The following NDST3 variants were observed in gnomAD, a reference collection of about 807,000 sequenced individuals.
NDST3 encodes N-deacetylase and N-sulfotransferase 3.
A neutral mutation model predicts 96.1 loss-of-function variants in NDST3; 58 were observed. The observed-to-expected ratio is 0.60, with a 90% CI of 0.49 to 0.75. The LOEUF (loss-of-function observed/expected upper bound fraction) is 0.75, where lower values mean the gene tolerates loss of function less well. Ranked by LOEUF, NDST3 falls within the 30% of genes least tolerant of loss-of-function variation. The pLI, the probability that NDST3 is intolerant of heterozygous loss-of-function variation, is 0.00. For synonymous variants in NDST3, 333 were observed against 359.7 expected, an observed-to-expected ratio of 0.93 and a Z score of 0.84; for missense variants, 788 against 1,034.2, an observed-to-expected ratio of 0.76 and a Z score of 3.27.
At chr4:118,057,596 T>C (rs1725533070) in intron 2 of NDST3, among the ~76,000 whole-genome samples, 1 of 152,082 alleles carries the variant, frequency 6.6e-6, no homozygotes, top group Non-Finnish European at 1.5e-5. Context: ...TGAGATGCTA[T>C]AGCTTCAGAA....
chr4:118,210,976 T>G (rs990887960), intron 6 of NDST3, among the ~76,000 whole-genome samples: 1 of 152,048 alleles, frequency 6.6e-6, no homozygotes, highest in Non-Finnish European at 1.5e-5. Context: ...CTCCTTCATC[T>G]CCATGTCCCA....
chr4:118,108,525 T>C lies in NDST3; in HGVS notation c.1069+3420T>C, dbSNP rs577054323. Among the ~76,000 whole-genome samples, 3 of 152,302 alleles carry C rather than the reference T, an allele frequency of 2.0e-5. No homozygotes were observed. In the East Asian group the frequency reaches 5.8e-4, roughly 29 times the overall value. ...CTTCAAGGGTTTAATAAACATATCA[T>C]GCTGAGAATTCTATCTATATACTAC... On this transcript the variant is annotated intron_variant, in intron 3 of 13. Transcript: ENST00000296499.
At position 118,044,129 on chromosome 4, in the gene NDST3, T is replaced by C. The variant is rs1215721552; in HGVS notation, c.-156+9537T>C. Among the ~76,000 whole-genome samples the C allele has an allele frequency of 7.2e-5, 11 of 152,154 alleles. No homozygotes were observed. In the East Asian group the frequency reaches 2.1e-3, roughly 29 times the overall value. ...TTTCACTTTTGACAAAGGGGACAAA[T>C]TGTAAAATGCTGCTATCTAAAATGG... On this transcript the variant is annotated intron_variant, in intron 1 of 13. Coordinates refer to ENST00000296499, the MANE Select transcript of NDST3 (RefSeq NM_004784.3).
At chr4:118,245,002 C>A (rs908324184) in intron 12 of NDST3, among the ~76,000 whole-genome samples, 1 of 152,132 alleles carries the variant, frequency 6.6e-6, no homozygotes, top group African/African-American at 2.4e-5. Flanking sequence ...ATTTACAACT[C>A]TTGTTCCACA....
intron 1 of NDST3, among the ~76,000 whole-genome samples, chr4:118,048,357 G>A (rs1349146016): frequency 6.6e-6 from 1 of 151,834 alleles, no homozygotes; most frequent in African/African-American, 2.4e-5. Flanking sequence ...ATGATGACAG[G>A]ACCAAAATCT....
chr4:118,163,933 G>A (rs1235259643), intron 6 of NDST3, among the ~76,000 whole-genome samples: 1 of 152,076 alleles, frequency 6.6e-6, no homozygotes, highest in Non-Finnish European at 1.5e-5. Flanking sequence ...GTGGAAAGCA[G>A]TTTGGCAATT....
At chr4:118,159,211 T>G (rs775188470) in intron 6 of NDST3, among the ~76,000 whole-genome samples, 4 of 152,232 alleles carry the variant, frequency 2.6e-5, no homozygotes, top group African/African-American at 7.2e-5. Context: ...CTCCAAGTGC[T>G]GACAGGACCC....
chr4:118,150,085 C>T (rs1734275951), intron 6 of NDST3, among the ~76,000 whole-genome samples: 1 of 151,810 alleles, frequency 6.6e-6, no homozygotes, highest in African/African-American at 2.4e-5. Flanking sequence ...TTGAACCAGC[C>T]TTGCATCCCA....
intron 6 of NDST3, among the ~76,000 whole-genome samples, chr4:118,198,390 T>G (rs1336625589): frequency 6.6e-6 from 1 of 152,210 alleles, no homozygotes; most frequent in Non-Finnish European, 1.5e-5. Flanking sequence ...ACCCATTATT[T>G]TAAGCTGATA....
At chr4:118,129,634 G>A (rs1732433720) in intron 4 of NDST3, among the ~76,000 whole-genome samples, 1 of 151,978 alleles carries the variant, frequency 6.6e-6, no homozygotes, top group Non-Finnish European at 1.5e-5. Context: ...AATGATCCAT[G>A]TGCTGAGAAA....
chr4:118,048,250 G>A (rs1163735472), intron 1 of NDST3, among the ~76,000 whole-genome samples: 1 of 151,986 alleles, frequency 6.6e-6, no homozygotes, highest in African/African-American at 2.4e-5. Context: ...GAATTGAAAA[G>A]CAACACCTGC....
intron 6 of NDST3, among the ~76,000 whole-genome samples, chr4:118,163,486 T>TA (rs1735334678): frequency 6.6e-6 from 1 of 151,780 alleles, no homozygotes; most frequent in African/African-American, 2.4e-5. Context: ...TCATTCTCAG[T>TA]AAACTATCGC....
chr4:118,181,285 G>A (rs182260250), intron 6 of NDST3, among the ~76,000 whole-genome samples: 1 of 152,190 alleles, frequency 6.6e-6, no homozygotes, highest in Non-Finnish European at 1.5e-5. Context: ...GTAGGGGCTA[G>A]AAGAGAAACG....
chr4:118,242,272 G>A, intron 12 of NDST3, 123 bp downstream of exon 12: 1 of 568,550 alleles, frequency 1.8e-6, no homozygotes, highest in South Asian at 2.8e-5. Flanking sequence ...TTTTCAATTT[G>A]ACATTAACCA....
intron 2 of NDST3, among the ~76,000 whole-genome samples, chr4:118,056,592 T>C (rs1475701795): frequency 6.6e-6 from 1 of 151,990 alleles, no homozygotes; most frequent in Admixed American, 6.6e-5. Context: ...GTATAAACAG[T>C]CATTCATGTA....
intron 6 of NDST3, chr4:118,194,771 T>C (rs1377778367): frequency 7.0e-6 from 3 of 431,586 alleles, no homozygotes; most frequent in Admixed American, 7.2e-5. Context: ...GCGCACCCTT[T>C]CTGGGAGCTG....
intron 4 of NDST3, among the ~76,000 whole-genome samples, chr4:118,116,527 T>G (rs918911320): frequency 6.6e-6 from 1 of 152,214 alleles, no homozygotes; most frequent in African/African-American, 2.4e-5. Context: ...ATGTTTATGT[T>G]TAAAACATTT....
intron 6 of NDST3, among the ~76,000 whole-genome samples, chr4:118,159,372 A>G (rs1275850356): frequency 6.6e-6 from 1 of 152,166 alleles, no homozygotes; most frequent in Non-Finnish European, 1.5e-5. Context: ...TACACACACA[A>G]GTCTATTGCA....
intron 6 of NDST3, among the ~76,000 whole-genome samples, chr4:118,153,167 G>T (rs1046293756): frequency 6.6e-6 from 1 of 152,152 alleles, no homozygotes; most frequent in Non-Finnish European, 1.5e-5. Flanking sequence ...CTTTGGAGAG[G>T]CTCAAAAGAT....
Sources: gnomAD v4.1 joint callset for allele counts (sites outside exome capture counted in the v4.1 genomes callset) on GRCh38, gnomAD v4.1.1 for gene constraint, MANE v1.5 for transcripts, NCBI Gene and HGNC (gene_info 2026-07-23, HGNC 2026-07-21) for gene names.